Variants in ADAMTS13 observed in about 807,000 individuals in gnomAD.
ADAMTS13 encodes the protein A disintegrin and metalloproteinase with thrombospondin motifs 13.
Under a neutral mutation model 155.1 loss-of-function variants are expected in ADAMTS13, and 110 were observed. That is an observed-to-expected ratio of 0.71 (90% CI 0.61 to 0.83). The LOEUF (loss-of-function observed/expected upper bound fraction) is 0.83. Ranked by LOEUF, ADAMTS13 falls within the 40% of genes least tolerant of loss-of-function variation. The pLI is 0.00. For synonymous variants in ADAMTS13, 758 were observed against 756.4 expected, an observed-to-expected ratio of 1.00 and a Z score of -0.03; for missense variants, 1,707 against 1,891.7, an observed-to-expected ratio of 0.90 and a Z score of 1.81.
intron 6 of ADAMTS13, among the ~76,000 whole-genome samples, chr9:133,428,157 A>G (rs60681578): frequency 6.6e-6 from 1 of 152,022 alleles, no homozygotes; most frequent in African/African-American, 2.4e-5. Context: ...GAAACGGTTC[A>G]CCTTCCTGGC....
chr9:133,415,067 G>T, intron 1 of ADAMTS13: 1 of 1,474,358 alleles, frequency 6.8e-7, no homozygotes. Context: ...ACACACAGCA[G>T]ATTGAAAAAA....
In ADAMTS13 at chr9:133,428,730, C is replaced by T. The variant is rs1369870005; in HGVS notation, c.783C>T (p.Ala261=). The change falls in exon 7 of 29, where the codon GCC becomes GCT. Residue 261 remains alanine (A), a synonymous_variant. Coordinates refer to ENST00000355699, the MANE Select transcript of ADAMTS13 (RefSeq NM_139027.6). ...GCGCCGCGCCCCGCGCCGGCCTCGC[C>T]TGGTCCCCCTGCAGCCGCCGGCAGC... The part of the protein sequence containing the change: ...SDGAAPRAGL[A]WSPCSRRQLL... The T allele has an allele frequency of 2.2e-6, 3 of 1,361,676 alleles. No homozygotes were observed. Among genetic ancestry groups the T allele is most frequent in the East Asian group, 6.6e-5 (2 of 30,414 alleles). 84.3% of individuals were successfully genotyped at this position (1,361,676 alleles called of 1,614,324 possible).
rs1196047412 is a variant in ADAMTS13, at chr9:133,424,351, A to G, written c.203A>G (p.Gln68Arg). 9 of 1,612,916 alleles carry G rather than the reference A, an allele frequency of 5.6e-6. No individual in the cohort carries two copies. Among genetic ancestry groups the G allele is most frequent in the Non-Finnish European group, 6.8e-6 (8 of 1,179,838 alleles). ...GRPPSPGFQR[Q>R]RQRQRRAAGG... ...CCTCCTTCCCCTGGCTTCCAGAGGC[A>G]GAGGCAGAGGCAGAGGCGGGCTGCA... Residue 68 changes from glutamine (Q) to arginine (R), a missense_variant, in exon 3 of 29, where the codon CAG becomes CGG. Coordinates refer to ENST00000355699, the MANE Select transcript of ADAMTS13 (RefSeq NM_139027.6). This position sits in a 1 kb window ranked among gnomAD's most constrained non-coding sequence, Gnocchi z 4.3.
At chr9:133,437,416 C>T (rs1030565979) in intron 12 of ADAMTS13, among the ~76,000 whole-genome samples, 1 of 152,028 alleles carries the variant, frequency 6.6e-6, no homozygotes, top group Non-Finnish European at 1.5e-5. Flanking sequence ...ACTACCATGC[C>T]GGCTAATTTT....
upstream of ADAMTS13, chr9:133,417,668 A>G (rs1554781953): frequency 1.2e-6 from 2 of 1,613,926 alleles, no homozygotes; most frequent in Non-Finnish European, 1.7e-6. Flanking sequence ...GTGCCTTTGG[A>G]GGTCGCACCA....
Position 133,442,287 on chromosome 9 carries a change from A to G in ADAMTS13, c.1969-112A>G, listed in dbSNP as rs602184. ...TGCCTGGCCAGTGATTGCTTGCTGA[A>G]CGAAAGATTATAGGGATGCAAGAAG... On this transcript the variant is annotated intron_variant, in intron 16 of 28. Coordinates refer to ENST00000355699, the MANE Select transcript of ADAMTS13 (RefSeq NM_139027.6). 0.09 allele frequency: 138,980 copies of G among 1,550,216 alleles called. 6,902 individuals carry two copies. The highest frequency in any genetic ancestry group is 0.14 in the African/African-American group (10,311 of 73,612).
rs782315134 is a variant in ADAMTS13 at position 133,437,831 on chromosome 9, C to A, written c.1518C>A (p.Thr506=). The change falls in exon 13 of 29, where the codon ACC becomes ACA. Residue 506 remains threonine (T), a synonymous_variant. Transcript: ENST00000355699. ...GTGGAGACAGCTTCCTCGATGGGAC[C>A]CGGTGTATGCCAAGTGGCCCCCGGG... is the stretch of plus-strand genomic sequence containing the variant. The part of the protein sequence containing the change: ...MKRGDSFLDG[T]RCMPSGPRED... The A allele has an allele frequency of 1.2e-4, 191 of 1,613,986 alleles. 1 individual carries two copies. The East Asian group carries it at 4.2e-3, about 35-fold the overall frequency.
chr9:133,426,257 G>A lies in ADAMTS13; in HGVS notation c.598G>A (p.Gly200Ser), dbSNP rs782328666. The change falls in exon 6 of 29, where the codon GGT becomes AGT. Residue 200 changes from glycine to serine, a missense_variant. Physicochemically the swap from Gly to Ser is moderately conservative, Grantham distance 56. Coordinates refer to ENST00000355699, the MANE Select transcript of ADAMTS13 (RefSeq NM_139027.6). ...RQVRGVTQLGGACSPTWSCLI... is the reference protein window; with the variant it reads ...RQVRGVTQLGSACSPTWSCLI... ...GGTGCGGGGCGTCACCCAGCTGGGC[G>A]GTGCCTGCTCCCCAACCTGGAGCTG... The A allele has an allele frequency of 6.8e-6, 11 of 1,612,630 alleles. No individual in the cohort carries two copies. Among genetic ancestry groups the A allele is most frequent in the Middle Eastern group, 1.6e-4 (1 of 6,062 alleles).
At chr9:133,433,761 G>A (rs1840969284) in intron 11 of ADAMTS13, 57 bp downstream of exon 11, 1 of 1,592,138 alleles carries the variant, frequency 6.3e-7, no homozygotes, top group South Asian at 1.1e-5. Context: ...CCCTGGGGGA[G>A]CCAAAGTGAC....
chr9:133,437,725 C>T (rs1041233475), intron 12 of ADAMTS13, 24 bp from the exon 13 acceptor site: 4 of 1,613,434 alleles, frequency 2.5e-6, no homozygotes, highest in Non-Finnish European at 2.5e-6. Flanking sequence ...GTTCAGGACA[C>T]CCTTTTTCAC....
intron 12 of ADAMTS13, 72 bp downstream of exon 12, chr9:133,437,027 G>T (rs1841290679): frequency 2.6e-6 from 4 of 1,530,248 alleles, no homozygotes; most frequent in South Asian, 1.2e-5. Flanking sequence ...AGAGTCATAG[G>T]GGGGTTGGCC....
chr9:133,445,592 A>G lies in ADAMTS13; in HGVS notation c.2611-107A>G, dbSNP rs1419438428. 5.1e-6 allele frequency: 8 copies of G among 1,573,476 alleles called. No individual in the cohort carries two copies. Among genetic ancestry groups the G allele is most frequent in the Non-Finnish European group, 6.1e-6 (7 of 1,151,828 alleles). On this transcript the variant is annotated intron_variant, in intron 20 of 28. Transcript: ENST00000355699. This position sits in a 1 kb window ranked among gnomAD's most constrained non-coding sequence, Gnocchi z 5.0. ...GGAGGGGAGGGAGCCCCTGGTGCAC[A>G]CACGCCACTTCCTGGTCTCTCTGCT...
chr9:133,455,441 C>A lies in ADAMTS13; in HGVS notation c.3400+6C>A, dbSNP rs781992360. On this transcript the variant is annotated splice_donor_region_variant and intron_variant, in intron 25 of 28. Coordinates refer to ENST00000355699, the MANE Select transcript of ADAMTS13 (RefSeq NM_139027.6). The stretch of plus-strand genomic sequence containing the variant: ...TGGGCCCTGTGTGGGACAGGGTACG[C>A]CCAGCCTGGTGCCCCACGAAGAAGC... 2 of 1,612,542 alleles carry A rather than the reference C, an allele frequency of 1.2e-6. No individual in the cohort carries two copies. The highest frequency in any genetic ancestry group is 2.2e-5 in the South Asian group (2 of 91,088).
intron 23 of ADAMTS13, among the ~76,000 whole-genome samples, chr9:133,450,610 G>A (rs587703131): frequency 3.7e-4 from 56 of 151,782 alleles, no homozygotes; most frequent in African/African-American, 1.2e-3. Context: ...TTAGCCTGGC[G>A]TGGTGGTGTG....
At chr9:133,428,522 G>A in intron 6 of ADAMTS13, 112 bp from the exon 7 acceptor site, 1 of 608,724 alleles carries the variant, frequency 1.6e-6, no homozygotes. Flanking sequence ...AAAACTCGCT[G>A]GCGCTGCGGC....
chr9:133,456,678 T>TG lies in ADAMTS13; in HGVS notation c.3684dup (p.Arg1229AlafsTer9). Reference sequence around the variant, plus strand: ...GGGCGGCCAGGAGGTGGGGTGCTGCTGCGGTATGGGAGCCAGCTTGCTCCT... The same window carrying TG: ...GGGCGGCCAGGAGGTGGGGTGCTGCTGGCGGTATGGGAGCCAGCTTGCTCCT... On this transcript the variant is annotated frameshift_variant, in exon 27 of 29. Transcript: ENST00000355699. LOFTEE classifies it high-confidence loss of function. This position sits in a 1 kb window ranked among gnomAD's most constrained non-coding sequence, Gnocchi z 4.4. 6.3e-7 allele frequency: 1 copy of TG among 1,590,952 alleles called. No individual in the cohort carries two copies. The highest frequency in any genetic ancestry group is 8.6e-7 in the Non-Finnish European group (1 of 1,168,388).
In ADAMTS13 at chr9:133,445,427, C is replaced by T. The variant is rs1187117891; in HGVS notation, c.2611-272C>T. On this transcript the variant is annotated intron_variant, in intron 20 of 28. Coordinates refer to ENST00000355699, the MANE Select transcript of ADAMTS13 (RefSeq NM_139027.6). This position sits in a 1 kb window ranked among gnomAD's most constrained non-coding sequence, Gnocchi z 5.0. ...TGGCTGGGGGGATTGCAGGGCCAGG[C>T]ATGCTCCCATGTCCCACTCTTGGTC... Among the ~76,000 whole-genome samples, 5 of 152,188 alleles carry T rather than the reference C, an allele frequency of 3.3e-5. No individual in the cohort carries two copies. Among genetic ancestry groups the T allele is most frequent in the Admixed American group, 6.5e-5 (1 of 15,284 alleles).
rs1049947043 is a variant in ADAMTS13, at chr9:133,441,111, G to A, written c.1968+586G>A. Among the ~76,000 whole-genome samples, 5 of 152,166 alleles carry A rather than the reference G, an allele frequency of 3.3e-5. No homozygotes were observed. Among genetic ancestry groups the A allele is most frequent in the Middle Eastern group, 3.2e-3 (1 of 316 alleles). On this transcript the variant is annotated intron_variant, in intron 16 of 28. Transcript: ENST00000355699. The surrounding 1 kb of genome is among the most constrained non-coding windows in gnomAD (Gnocchi z 5.0). ...GGCGTGTCCTCAGTGACGTGTGCTC[G>A]CCCATGTATGTCCCCATTGGTGCTT...
At chr9:133,436,778 A>ACCCCCCCC in intron 11 of ADAMTS13, 51 bp from the exon 12 acceptor site, 20 of 433,942 alleles carry the variant, frequency 4.6e-5, no homozygotes, top group Admixed American at 1.1e-4. Context: ...CAGTGACAAC[A>ACCCCCCCC]CCCGCCCCCC....
Sources: allele counts gnomAD v4.1 joint callset (sites outside exome capture counted in the v4.1 genomes callset), GRCh38; gene constraint gnomAD v4.1.1; non-coding constraint Gnocchi (gnomAD v3.1); transcripts MANE v1.5; gene names NCBI Gene and HGNC (gene_info 2026-07-23, HGNC 2026-07-21).